Variants in EPHA3 observed in about 807,000 individuals in gnomAD.
EPHA3 encodes the protein EPH receptor A3.
A neutral mutation model predicts 107.1 loss-of-function variants in EPHA3; 42 were observed. That is an observed-to-expected ratio of 0.39 (90% confidence interval 0.31 to 0.51). The LOEUF is 0.51. EPHA3 is among the 20% of genes least tolerant of loss of function. The probability of loss-of-function intolerance (pLI) is 0.78; values close to 1 mark genes in which losing one functional copy is unlikely to be tolerated. For missense variants in EPHA3, 1,183 were observed against 1,211.2 expected (o/e 0.98, Z 0.35); for synonymous variants, 461 against 424.8 (o/e 1.09, Z -1.05).
At chr3:89,184,187 G>T (rs1178849393) in intron 2 of EPHA3, among the ~76,000 whole-genome samples, 1 of 151,966 alleles carries the variant, frequency 6.6e-6, no homozygotes, top group Non-Finnish European at 1.5e-5. Context: ...GAAATTGAAA[G>T]AAACCAGTTC....
chr3:89,263,744 G>A (rs1481836762), intron 3 of EPHA3, among the ~76,000 whole-genome samples: 1 of 152,100 alleles, frequency 6.6e-6, no homozygotes, highest in African/African-American at 2.4e-5. Context: ...GCCATGGGTA[G>A]TTTAGGAAAA....
chr3:89,476,681 C>T (rs1576398788), intron 16 of EPHA3, among the ~76,000 whole-genome samples: 3 of 151,352 alleles, frequency 2.0e-5, no homozygotes, highest in East Asian at 1.9e-4. Context: ...GATCTCGGCT[C>T]ACTGCAAGCT....
At chr3:89,341,653 G>A in intron 4 of EPHA3, 102 bp from the exon 5 acceptor site, 1 of 906,178 alleles carries the variant, frequency 1.1e-6, no homozygotes, top group Non-Finnish European at 1.7e-6. Flanking sequence ...AATAAAGAAA[G>A]GATAGTTATT....
chr3:89,350,643 T>C (rs1234257950), intron 5 of EPHA3, among the ~76,000 whole-genome samples: 2 of 151,434 alleles, frequency 1.3e-5, no homozygotes, highest in South Asian at 4.2e-4. Context: ...CATCCAGCTT[T>C]GTTCCATTGC....
At chr3:89,318,494 T>C (rs148730087) in intron 3 of EPHA3, among the ~76,000 whole-genome samples, 1 of 151,990 alleles carries the variant, frequency 6.6e-6, no homozygotes, top group East Asian at 1.9e-4. Context: ...ATGATTTGAC[T>C]TCTCCTAAAA....
intron 3 of EPHA3, among the ~76,000 whole-genome samples, chr3:89,260,096 T>C (rs1014337215): frequency 1.3e-5 from 2 of 152,230 alleles, no homozygotes; most frequent in African/African-American, 4.8e-5. Context: ...ACACTTAGGT[T>C]GTTTCCATTA....
chr3:89,164,260 T>G (rs1705012316), intron 2 of EPHA3, among the ~76,000 whole-genome samples: 1 of 152,180 alleles, frequency 6.6e-6, no homozygotes, highest in Admixed American at 6.5e-5. Flanking sequence ...CAATAGCTAA[T>G]GAGCTTAAAA....
intron 5 of EPHA3, among the ~76,000 whole-genome samples, chr3:89,342,637 T>A (rs1224508226): frequency 3.3e-5 from 5 of 152,270 alleles, no homozygotes; most frequent in Middle Eastern, 3.4e-3. Context: ...ATGGATTATA[T>A]ATTACATAGA....
At chr3:89,132,349 T>G (rs1204959078) in intron 2 of EPHA3, among the ~76,000 whole-genome samples, 1 of 152,250 alleles carries the variant, frequency 6.6e-6, no homozygotes, top group Non-Finnish European at 1.5e-5. Flanking sequence ...CCTTACAGGA[T>G]AGAATGTTTT....
intron 3 of EPHA3, among the ~76,000 whole-genome samples, chr3:89,211,995 T>A (rs1463400279): frequency 6.6e-6 from 1 of 151,494 alleles, no homozygotes. Context: ...CCAAACAAAC[T>A]CCAAGAAGCA....
intron 1 of EPHA3, among the ~76,000 whole-genome samples, chr3:89,108,070 A>C (rs1468993692): frequency 6.6e-6 from 1 of 152,118 alleles, no homozygotes; most frequent in Non-Finnish European, 1.5e-5. Context: ...CACCATTTCG[A>C]GCAATTACCT....
chr3:89,385,328 C>T (rs1359321209), intron 5 of EPHA3, among the ~76,000 whole-genome samples: 5 of 152,104 alleles, frequency 3.3e-5, no homozygotes, highest in African/African-American at 4.8e-5. Context: ...ATTATAGTTC[C>T]CACAATCCCC....
chr3:89,274,098 A>G (rs1340915247), intron 3 of EPHA3, among the ~76,000 whole-genome samples: 7 of 151,992 alleles, frequency 4.6e-5, no homozygotes, highest in African/African-American at 1.7e-4. Context: ...ACAAATGACT[A>G]GAAAGTGCCA....
rs372787255 is a variant in EPHA3, at chr3:89,466,573, G to A, written c.2691-5891G>A. Among the ~76,000 whole-genome samples, 6 of 130,732 alleles carry A rather than the reference G, an allele frequency of 4.6e-5. 1 individual carries two copies. Among genetic ancestry groups the A allele is most frequent in the South Asian group, 2.2e-4 (1 of 4,446 alleles). 85.8% of individuals were successfully genotyped at this position (130,732 alleles called of 152,430 possible). A position where few individuals can be genotyped will look rare whatever the true frequency, so the allele number is the denominator to read the frequency against. On this transcript the variant is annotated intron_variant, in intron 15 of 16. Coordinates refer to ENST00000336596, the MANE Select transcript of EPHA3 (RefSeq NM_005233.6). ...AGCCGGTCTGAAAAGCGCAATATTC[G>A]GGTGGGAGTGACCCGATTTTCCAGG...
chr3:89,123,299 A>G (rs1163270755), intron 1 of EPHA3, among the ~76,000 whole-genome samples: 1 of 152,096 alleles, frequency 6.6e-6, no homozygotes, highest in Non-Finnish European at 1.5e-5. Flanking sequence ...GTGTGCTGCC[A>G]TGCCAGCTAA....
intron 2 of EPHA3, among the ~76,000 whole-genome samples, chr3:89,173,495 G>A (rs1705253118): frequency 6.6e-6 from 1 of 151,840 alleles, no homozygotes; most frequent in African/African-American, 2.4e-5. Context: ...CTTAAGGAAA[G>A]TTTCATATTA....
chr3:89,287,124 T>C (rs545130295), intron 3 of EPHA3, among the ~76,000 whole-genome samples: 2 of 152,290 alleles, frequency 1.3e-5, no homozygotes, highest in African/African-American at 2.4e-5. Context: ...AGGAAAAACA[T>C]TTCAAGCTGC....
chr3:89,230,514 A>G (rs777281625), intron 3 of EPHA3, among the ~76,000 whole-genome samples: 13 of 152,104 alleles, frequency 8.5e-5, no homozygotes, highest in African/African-American at 2.7e-4. Context: ...TGAAGCTACT[A>G]TAAAACTTAT....
At chr3:89,305,460 G>T (rs1706593843) in intron 3 of EPHA3, among the ~76,000 whole-genome samples, 1 of 152,026 alleles carries the variant, frequency 6.6e-6, no homozygotes, top group African/African-American at 2.4e-5. Context: ...CCACCTGTAA[G>T]GTAGAAGAAG....
Sources: allele counts gnomAD v4.1 joint callset (sites outside exome capture counted in the v4.1 genomes callset), GRCh38; gene constraint gnomAD v4.1.1; transcripts MANE v1.5; gene names NCBI Gene and HGNC (gene_info 2026-07-23, HGNC 2026-07-21).